Variants in ALG12 observed in about 807,000 individuals in gnomAD.
The protein encoded by ALG12 is dol-P-Man:Man(7)GlcNAc(2)-PP-Dol alpha-1,6-mannosyltransferase.
ALG12 carries 36 observed loss-of-function variants against 46.0 expected under a neutral mutation model. The observed-to-expected ratio is 0.78, with a 90% CI of 0.60 to 1.03. The LOEUF is 1.03. Ranked by LOEUF, ALG12 falls within the 50% of genes least tolerant of loss-of-function variation. The probability of loss-of-function intolerance (pLI) is 0.00; values close to 1 mark genes in which losing one functional copy is unlikely to be tolerated. For missense variants in ALG12, 599 were observed against 633.5 expected (o/e 0.95, Z 0.58); for synonymous variants, 326 against 291.6 (o/e 1.12, Z -1.20).
At chr22:49,882,906 A>G in the ALG12 span, among the ~76,000 whole-genome samples, 1 of 152,254 alleles carries the variant, frequency 6.6e-6, no homozygotes, top group Non-Finnish European at 1.5e-5. Context: ...CACGTTAGCT[A>G]GAGTTTTTCA....
rs915149632 is a variant in ALG12, at chr22:49,904,082, T to C, written c.1239-16A>G. ...CTTGTCGTACCTGTGGGATGAGAGC[T>C]GGTGGTCCTGCCCAGGGCCCCCACA... On this transcript the variant is annotated splice_polypyrimidine_tract_variant and intron_variant, in intron 9 of 9. Coordinates refer to ENST00000330817, the MANE Select transcript of ALG12 (RefSeq NM_024105.4). 3.7e-6 allele frequency: 6 copies of C among 1,613,966 alleles called. No homozygotes were observed. The African/African-American group carries it at 6.7e-5, about 18-fold the overall frequency.
At chr22:49,894,853 G>C in the ALG12 span, among the ~76,000 whole-genome samples, 1 of 152,258 alleles carries the variant, frequency 6.6e-6, no homozygotes, top group Non-Finnish European at 1.5e-5. Flanking sequence ...GGGTAGCAGT[G>C]GGCAGTGTGT....
At chr22:49,894,171 AATAAT>A in the ALG12 span, among the ~76,000 whole-genome samples, 1 of 152,212 alleles carries the variant, frequency 6.6e-6, no homozygotes, top group South Asian at 2.1e-4. Flanking sequence ...TCTCAAAAAA[AATAAT>A]AAAGTAGATT....
the ALG12 span, among the ~76,000 whole-genome samples, chr22:49,882,868 C>T: frequency 1.3e-5 from 2 of 152,360 alleles, no homozygotes; most frequent in East Asian, 3.9e-4. Context: ...GTTTCCTATT[C>T]AGCTTTTCGT....
the ALG12 span, among the ~76,000 whole-genome samples, chr22:49,872,044 G>A: frequency 2.0e-5 from 3 of 152,060 alleles, no homozygotes; most frequent in Admixed American, 6.6e-5. Context: ...GCACCCGGCT[G>A]ACAATTTCTT....
At chr22:49,861,229 C>T in the ALG12 span, among the ~76,000 whole-genome samples, 1 of 151,892 alleles carries the variant, frequency 6.6e-6, no homozygotes, top group Non-Finnish European at 1.5e-5. Context: ...GATGGAGTCT[C>T]GCTCTGGATT....
the ALG12 span, among the ~76,000 whole-genome samples, chr22:49,869,236 G>T: frequency 1.3e-5 from 2 of 152,094 alleles, no homozygotes; most frequent in Non-Finnish European, 2.9e-5. Flanking sequence ...TTTGATTCAC[G>T]TACACACATG....
At chr22:49,895,194 A>T in the ALG12 span, among the ~76,000 whole-genome samples, 1 of 152,178 alleles carries the variant, frequency 6.6e-6, no homozygotes, top group Non-Finnish European at 1.5e-5. Flanking sequence ...AAAAATTCTC[A>T]TTGGAGCTTC....
At chr22:49,910,181 T>C in intron 4 of ALG12, 93 bp from the exon 5 acceptor site, 1 of 1,398,360 alleles carries the variant, frequency 7.2e-7, no homozygotes, top group South Asian at 1.3e-5. Flanking sequence ...CCTTTTCCTA[T>C]TATAAAAGCC....
Position 49,903,731 on chromosome 22 carries a change from T to C in ALG12, c.*107A>G. 1.5e-6 allele frequency: 2 copies of C among 1,346,276 alleles called. No homozygotes were observed. The highest frequency in any genetic ancestry group is 2.1e-6 in the Non-Finnish European group (2 of 954,730). The allele number at this position is 1,346,276 out of a possible 1,614,324, so 83.4% of individuals were successfully genotyped here. A position where few individuals can be genotyped will look rare whatever the true frequency, so the allele number is the denominator to read the frequency against. ...TGTCAGAGGCAGGTGCCCAGTCCTT[T>C]GACTTGCTTCTCTGAATTGTCATAA... On this transcript the variant is annotated 3_prime_UTR_variant, in exon 10 of 10. Transcript: ENST00000330817.
chr22:49,859,410 T>C, the ALG12 span, among the ~76,000 whole-genome samples: 1 of 152,190 alleles, frequency 6.6e-6, no homozygotes, highest in Non-Finnish European at 1.5e-5. Context: ...ATGTGACTAG[T>C]TGGGAGCCCC....
At chr22:49,914,387 G>A (rs2060598543) in intron 1 of ALG12, among the ~76,000 whole-genome samples, 1 of 152,366 alleles carries the variant, frequency 6.6e-6, no homozygotes, top group East Asian at 1.9e-4. Flanking sequence ...TGGTGGGATG[G>A]GGCTGTGGAC....
chr22:49,864,134 T>C, the ALG12 span, among the ~76,000 whole-genome samples: 1 of 152,194 alleles, frequency 6.6e-6, no homozygotes, highest in East Asian at 1.9e-4. Context: ...TGGCCGCTGG[T>C]TCTAGGCCTC....
intron 3 of ALG12, among the ~76,000 whole-genome samples, chr22:49,912,032 C>T (rs2060580340): frequency 6.6e-6 from 1 of 151,434 alleles, no homozygotes; most frequent in African/African-American, 2.4e-5. Context: ...CGGGATCACC[C>T]TCGGCCCCGG....
the ALG12 span, among the ~76,000 whole-genome samples, chr22:49,869,977 C>G: frequency 5.3e-5 from 8 of 152,122 alleles, no homozygotes; most frequent in Non-Finnish European, 8.8e-5. Flanking sequence ...TCCTCCCTCC[C>G]TCACTCCTCA....
At chr22:49,873,154 G>A in the ALG12 span, among the ~76,000 whole-genome samples, 1 of 152,162 alleles carries the variant, frequency 6.6e-6, no homozygotes. Flanking sequence ...ACTTTCCTTT[G>A]CATTCACGTC....
chr22:49,912,811 G>A (rs2060586211), intron 3 of ALG12, among the ~76,000 whole-genome samples: 1 of 152,030 alleles, frequency 6.6e-6, no homozygotes, highest in South Asian at 2.1e-4. Context: ...AAGCTGTAGT[G>A]AGCTATGATT....
At position 49,910,091 on chromosome 22, in the gene ALG12, G is replaced by C. The variant is rs751546611; in HGVS notation, c.470-3C>G. The C allele has an allele frequency of 6.2e-7, 1 of 1,601,376 alleles. No individual in the cohort carries two copies. Among genetic ancestry groups the C allele is most frequent in the South Asian group, 1.1e-5 (1 of 89,400 alleles). ...CCAGGCCGCGAGGGCCAGCAGGACT[G>C]CAAGACAGTGCGGGAGGGTGCTCGT... On this transcript the variant is annotated splice_region_variant and splice_polypyrimidine_tract_variant and intron_variant, in intron 4 of 9. Transcript: ENST00000330817.
intron 4 of ALG12, 149 bp from the exon 5 acceptor site, chr22:49,910,237 C>A: frequency 8.4e-7 from 1 of 1,194,020 alleles, no homozygotes; most frequent in Non-Finnish European, 1.2e-6. Flanking sequence ...GCTCCCCGCA[C>A]CTATGCTGTT....
Sources: allele counts gnomAD v4.1 joint callset (sites outside exome capture counted in the v4.1 genomes callset), GRCh38; gene constraint gnomAD v4.1.1; transcripts MANE v1.5; gene names NCBI Gene and HGNC (gene_info 2026-07-23, HGNC 2026-07-21).